Variants in DLC1 observed in about 807,000 individuals in gnomAD.
The protein encoded by DLC1 is DLC1 Rho GTPase activating protein.
A neutral mutation model predicts 140.3 loss-of-function variants in DLC1; 54 were observed. The ratio of observed to expected loss-of-function variants is 0.38; its 90% confidence interval spans 0.31 to 0.48. The LOEUF (loss-of-function observed/expected upper bound fraction) is 0.48, where lower values mean the gene tolerates loss of function less well. DLC1 is among the 20% of genes least tolerant of loss of function. The pLI, the probability that DLC1 is intolerant of heterozygous loss-of-function variation, is 0.96. For synonymous variants in DLC1, 986 were observed against 728.1 expected, an observed-to-expected ratio of 1.35 and a Z score of -5.70; for missense variants, 2,536 against 1,907.0, an observed-to-expected ratio of 1.33 and a Z score of -6.14.
At chr8:13,298,439 G>A (rs944205871) in intron 5 of DLC1, among the ~76,000 whole-genome samples, 1 of 152,170 alleles carries the variant, frequency 6.6e-6, no homozygotes, top group Admixed American at 6.5e-5. Context: ...AAGTCAGTAA[G>A]ATTATAGCCA....
At chr8:13,563,128 A>T (rs1363984540) in intron 1 of DLC1, among the ~76,000 whole-genome samples, 4 of 152,182 alleles carry the variant, frequency 2.6e-5, no homozygotes, top group African/African-American at 2.4e-5. Flanking sequence ...TTCATTTATA[A>T]AAATTATTTG....
chr8:13,570,281 C>T (rs918974921), intron 1 of DLC1, among the ~76,000 whole-genome samples: 6 of 146,754 alleles, frequency 4.1e-5, no homozygotes, highest in Non-Finnish European at 7.4e-5. Context: ...CATTTGTTTC[C>T]CCTAAATTCT....
intron 4 of DLC1, chr8:13,341,390 C>T (rs1046375917): frequency 6.6e-6 from 1 of 152,162 alleles, no homozygotes; most frequent in African/African-American, 2.4e-5. Flanking sequence ...TCTTGAACTC[C>T]AGCGTGCGTC....
At chr8:13,388,488 T>A (rs374766247) in intron 4 of DLC1, among the ~76,000 whole-genome samples, 43 of 152,144 alleles carry the variant, frequency 2.8e-4, no homozygotes, top group African/African-American at 1.0e-3. Flanking sequence ...GTTTTATACA[T>A]AATTAATAAA....
chr8:13,587,208 C>T (rs762031719), intron 1 of DLC1, among the ~76,000 whole-genome samples: 1 of 151,540 alleles, frequency 6.6e-6, no homozygotes, highest in East Asian at 2.0e-4. Flanking sequence ...TTGTGAGTGG[C>T]CATTAGATGA....
At chr8:13,334,359 A>G (rs1254724636) in intron 4 of DLC1, among the ~76,000 whole-genome samples, 1 of 152,140 alleles carries the variant, frequency 6.6e-6, no homozygotes, top group East Asian at 1.9e-4. Context: ...GGGAGCAGGG[A>G]CAGGCCAGAT....
At chr8:13,089,059 G>C (rs1196996108) in intron 15 of DLC1, among the ~76,000 whole-genome samples, 1 of 151,918 alleles carries the variant, frequency 6.6e-6, no homozygotes. Context: ...AGGAGTTCAA[G>C]ACCAGCCTGG....
rs745905826 is a variant in DLC1 at position 13,100,426 on chromosome 8, G to A, written c.1911C>T (p.Phe637=). The change falls in exon 9 of 18, where the codon TTC becomes TTT. Residue 637 remains phenylalanine, a synonymous_variant. Coordinates refer to ENST00000276297, the MANE Select transcript of DLC1 (RefSeq NM_182643.3). Reference sequence around the variant, plus strand: ...GTTCCTTGGGAGAGGGCAGGCTGCCGAAAGAGTCGTCATTGCCTGCCAAGT... The same window carrying A: ...GTTCCTTGGGAGAGGGCAGGCTGCCAAAAGAGTCGTCATTGCCTGCCAAGT... The part of the protein sequence containing the change: ...SSNLAGNDDS[F]GSLPSPKELS... 5.6e-6 allele frequency: 9 copies of A among 1,613,936 alleles called. No homozygotes were observed. The highest frequency in any genetic ancestry group is 7.6e-6 in the Non-Finnish European group (9 of 1,180,036).
intron 5 of DLC1, among the ~76,000 whole-genome samples, chr8:13,169,660 A>T (rs992287395): frequency 1.3e-5 from 2 of 152,186 alleles, no homozygotes; most frequent in East Asian, 1.9e-4. Context: ...GGTGGTCTAA[A>T]TCAGGACTTT....
At chr8:13,118,778 T>C (rs1820789746) in intron 5 of DLC1, among the ~76,000 whole-genome samples, 1 of 152,178 alleles carries the variant, frequency 6.6e-6, no homozygotes, top group African/African-American at 2.4e-5. Flanking sequence ...TTCACACCAT[T>C]ACTTTCTCTC....
At chr8:13,127,563 C>T (rs1488792868) in intron 5 of DLC1, among the ~76,000 whole-genome samples, 1 of 152,230 alleles carries the variant, frequency 6.6e-6, no homozygotes. Flanking sequence ...GTAAAAATCA[C>T]TTCAGTTTCA....
chr8:13,448,566 T>C (rs1040021778), intron 2 of DLC1, among the ~76,000 whole-genome samples: 1 of 152,150 alleles, frequency 6.6e-6, no homozygotes, highest in Admixed American at 6.5e-5. Flanking sequence ...TTTTGCCATG[T>C]TGGCCAGGCT....
At chr8:13,322,069 T>C (rs1833149654) in intron 4 of DLC1, among the ~76,000 whole-genome samples, 1 of 152,208 alleles carries the variant, frequency 6.6e-6, no homozygotes, top group African/African-American at 2.4e-5. Context: ...AAATGCATTA[T>C]TTACATTGGT....
At chr8:13,586,301 T>C (rs4075585) in intron 1 of DLC1, among the ~76,000 whole-genome samples, 27,771 of 151,838 alleles carry the variant, frequency 0.18, 3,273 homozygotes, top group African/African-American at 0.33. Context: ...TGGCCACCAG[T>C]AGTAGGAAAG....
chr8:13,227,054 C>T (rs1032095579), intron 5 of DLC1, among the ~76,000 whole-genome samples: 5 of 152,080 alleles, frequency 3.3e-5, no homozygotes, highest in Middle Eastern at 3.2e-3. Context: ...GGGGCGGGGG[C>T]AGGGACTGAC....
intron 2 of DLC1, among the ~76,000 whole-genome samples, chr8:13,430,960 G>T (rs190095739): frequency 1.1e-3 from 166 of 152,182 alleles, no homozygotes; most frequent in African/African-American, 3.8e-3. Flanking sequence ...CTATGAAGTC[G>T]CATGAAACAT....
At chr8:13,347,984 G>T (rs1412253160) in intron 4 of DLC1, among the ~76,000 whole-genome samples, 1 of 152,100 alleles carries the variant, frequency 6.6e-6, no homozygotes, top group Non-Finnish European at 1.5e-5. Flanking sequence ...AGCTACTTGG[G>T]AGGTGGAGGC....
At chr8:13,391,863 C>T (rs999907317) in intron 4 of DLC1, among the ~76,000 whole-genome samples, 1 of 149,426 alleles carries the variant, frequency 6.7e-6, no homozygotes, top group Admixed American at 6.7e-5. Context: ...ATAATAAATA[C>T]CTTTAAAAAG....
chr8:13,550,605 G>C (rs1002609603), intron 1 of DLC1, among the ~76,000 whole-genome samples: 1 of 152,032 alleles, frequency 6.6e-6, no homozygotes, highest in Non-Finnish European at 1.5e-5. Context: ...AAGTAGAAAA[G>C]AAATAAAATA....
Sources: allele counts gnomAD v4.1 joint callset (sites outside exome capture counted in the v4.1 genomes callset), GRCh38; gene constraint gnomAD v4.1.1; transcripts MANE v1.5; gene names NCBI Gene and HGNC (gene_info 2026-07-23, HGNC 2026-07-21).